The following EYA1 variants were observed in gnomAD, a reference collection of about 807,000 sequenced individuals.
EYA1 encodes the protein protein phosphatase EYA1.
A neutral mutation model predicts 82.0 loss-of-function variants in EYA1; 16 were observed. That is an observed-to-expected ratio of 0.20 (90% CI 0.13 to 0.30). The LOEUF is 0.30. Among genes scored for constraint, EYA1 ranks in the 10% least tolerant of loss-of-function variants. The pLI is 1.00. For missense variants in EYA1, 633 were observed against 730.7 expected, an observed-to-expected ratio of 0.87 and a Z score of 1.54; for synonymous variants, 261 against 264.4, an observed-to-expected ratio of 0.99 and a Z score of 0.12.
Position 71,466,247 on chromosome 8 carries a change from T to C in EYA1, c.33+69497A>G, listed in dbSNP as rs117417371. Among the ~76,000 whole-genome samples, 5 of 152,214 alleles carry C rather than the reference T, an allele frequency of 3.3e-5. No individual in the cohort carries two copies. The East Asian group carries it at 9.6e-4, about 29-fold the overall frequency. Reference sequence around the variant, plus strand: ...GCAACATGGTATTTATGTCAGAGCATATAAGGAAGAATAAAAGATTTTTGC... The same window carrying C: ...GCAACATGGTATTTATGTCAGAGCACATAAGGAAGAATAAAAGATTTTTGC... On this transcript the variant is annotated intron_variant, in intron 2 of 18. Coordinates refer to the EYA1 transcript ENST00000643681.
chr8:71,244,539 T>C (rs1332946008), intron 12 of EYA1, 64 bp downstream of exon 12: 1 of 853,962 alleles, frequency 1.2e-6, no homozygotes, highest in Non-Finnish European at 1.9e-6. Flanking sequence ...TATCCTATCT[T>C]TATTTTAAAA....
chr8:71,396,625 T>C (rs1014146433), intron 2 of EYA1, among the ~76,000 whole-genome samples: 2 of 152,232 alleles, frequency 1.3e-5, no homozygotes, highest in African/African-American at 4.8e-5. Flanking sequence ...TAATCCTGAG[T>C]TCTAGTTTGA....
intron 11 of EYA1, among the ~76,000 whole-genome samples, chr8:71,250,621 A>G (rs1813639018): frequency 6.6e-6 from 1 of 152,230 alleles, no homozygotes; most frequent in Non-Finnish European, 1.5e-5. Flanking sequence ...CAATCCTCTG[A>G]AAAAACATAG....
chr8:71,539,795 G>A (rs1815003133), intron 1 of EYA1, among the ~76,000 whole-genome samples: 1 of 152,220 alleles, frequency 6.6e-6, no homozygotes, highest in South Asian at 2.1e-4. Flanking sequence ...ACTCTAGGGA[G>A]AGTGGAGTGG....
intron 12 of EYA1, among the ~76,000 whole-genome samples, chr8:71,228,721 C>T (rs1352830349): frequency 6.6e-6 from 1 of 152,108 alleles, no homozygotes; most frequent in Non-Finnish European, 1.5e-5. Context: ...GACTGAACAC[C>T]TATGTCTATT....
At chr8:71,311,388 TCACA>T (rs977843935) in intron 7 of EYA1, among the ~76,000 whole-genome samples, 6 of 152,130 alleles carry the variant, frequency 3.9e-5, no homozygotes, top group African/African-American at 1.4e-4. Context: ...ACGCACAAAC[TCACA>T]CACAACACCC....
At chr8:71,413,543 C>T (rs1020528264) in intron 2 of EYA1, among the ~76,000 whole-genome samples, 5 of 152,182 alleles carry the variant, frequency 3.3e-5, no homozygotes, top group Admixed American at 6.6e-5. Context: ...TATTTTATTG[C>T]ATTGGAAATT....
intron 2 of EYA1, among the ~76,000 whole-genome samples, chr8:71,512,503 A>G (rs1812678507): frequency 1.3e-5 from 2 of 152,104 alleles, no homozygotes; most frequent in African/African-American, 2.4e-5. Context: ...AACAGTTACA[A>G]AATAAAAGCT....
intron 2 of EYA1, among the ~76,000 whole-genome samples, chr8:71,505,002 G>T (rs1159760251): frequency 6.6e-6 from 1 of 152,108 alleles, no homozygotes; most frequent in African/African-American, 2.4e-5. Flanking sequence ...GTTTTGCCAT[G>T]TTGGCCAGGC....
At chr8:71,360,709 C>T (rs936681107) in intron 1 of EYA1, among the ~76,000 whole-genome samples, 1 of 152,178 alleles carries the variant, frequency 6.6e-6, no homozygotes, top group Non-Finnish European at 1.5e-5. Context: ...TAAAATAAAA[C>T]CTACTTTGAA....
chr8:71,392,224 G>A (rs1046429479), intron 2 of EYA1, among the ~76,000 whole-genome samples: 10 of 152,014 alleles, frequency 6.6e-5, no homozygotes, highest in South Asian at 2.1e-4. Context: ...AGGAAGGGAC[G>A]GAAAAAGAAA....
chr8:71,390,968 TTTTTTG>T (rs950712251), intron 2 of EYA1, among the ~76,000 whole-genome samples: 4 of 152,038 alleles, frequency 2.6e-5, no homozygotes, highest in African/African-American at 7.2e-5. Context: ...AAATTTACCT[TTTTTTG>T]TTTTTGTTTT....
chr8:71,361,682 G>C lies in EYA1; in HGVS notation c.-90C>G. ...TCTGCTGCATCCACCAGTTTAATGT[G>C]TTCCTTCGAATTTTCTGGGTTAGCA... On this transcript the variant is annotated 5_prime_UTR_variant, in exon 1 of 18. Coordinates refer to ENST00000340726, the MANE Select transcript of EYA1 (RefSeq NM_000503.6). 1 of 985,512 alleles carries C rather than the reference G, an allele frequency of 1.0e-6. No homozygotes were observed. The highest frequency in any genetic ancestry group is 1.2e-6 in the Non-Finnish European group (1 of 829,968). The allele number at this position is 985,512 out of a possible 1,614,324, so 61.0% of individuals were successfully genotyped here. A position where few individuals can be genotyped will look rare whatever the true frequency, so the allele number is the denominator to read the frequency against.
intron 2 of EYA1, among the ~76,000 whole-genome samples, chr8:71,478,044 A>G (rs1375249496): frequency 6.6e-6 from 1 of 152,182 alleles, no homozygotes. Context: ...GGAATTAGGT[A>G]GGGGATACTT....
chr8:71,288,271 T>C (rs1818608216), intron 9 of EYA1, among the ~76,000 whole-genome samples: 1 of 152,210 alleles, frequency 6.6e-6, no homozygotes. Flanking sequence ...ACTTTAAATA[T>C]GATAACTTGT....
intron 9 of EYA1, among the ~76,000 whole-genome samples, chr8:71,282,546 C>A (rs1235637470): frequency 6.6e-6 from 1 of 152,208 alleles, no homozygotes; most frequent in Non-Finnish European, 1.5e-5. Context: ...GCGCCACACA[C>A]AGTTGATCAT....
intron 12 of EYA1, among the ~76,000 whole-genome samples, chr8:71,233,016 G>A (rs531366024): frequency 8.5e-5 from 13 of 152,254 alleles, no homozygotes; most frequent in African/African-American, 3.1e-4. Flanking sequence ...GGCATAAAGG[G>A]GGCCCTCACG....
At chr8:71,454,808 A>T (rs1389609570) in intron 2 of EYA1, among the ~76,000 whole-genome samples, 1 of 152,196 alleles carries the variant, frequency 6.6e-6, no homozygotes, top group East Asian at 1.9e-4. Context: ...ATGCCCACAA[A>T]AGAAAGCAGG....
intron 12 of EYA1, among the ~76,000 whole-genome samples, chr8:71,233,349 G>C (rs1217048488): frequency 1.3e-5 from 2 of 152,170 alleles, no homozygotes; most frequent in East Asian, 1.9e-4. Flanking sequence ...CAGATCACGA[G>C]GTCAGGAGAT....
Sources: allele counts gnomAD v4.1 joint callset (sites outside exome capture counted in the v4.1 genomes callset), GRCh38; gene constraint gnomAD v4.1.1; transcripts MANE v1.5; gene names NCBI Gene and HGNC (gene_info 2026-07-23, HGNC 2026-07-21).